Variants in BMPR1B observed in about 807,000 individuals in gnomAD.
The protein encoded by BMPR1B is bone morphogenetic protein receptor type-1B.
BMPR1B carries 12 observed loss-of-function variants against 59.1 expected under a neutral mutation model. The ratio of observed to expected loss-of-function variants is 0.20; its 90% CI spans 0.13 to 0.33. The LOEUF is 0.33. BMPR1B is among the 10% of genes least tolerant of loss of function. BMPR1B has a pLI of 1.00. For synonymous variants in BMPR1B, 237 were observed against 207.3 expected (o/e 1.14, Z -1.23); for missense variants, 550 against 610.9 (o/e 0.90, Z 1.05).
At chr4:94,970,506 G>T (rs1422831740) in intron 2 of BMPR1B, among the ~76,000 whole-genome samples, 1 of 152,058 alleles carries the variant, frequency 6.6e-6, no homozygotes, top group Non-Finnish European at 1.5e-5. Context: ...TAGAGACAGG[G>T]TTTCGCCCTG....
intron 2 of BMPR1B, among the ~76,000 whole-genome samples, chr4:94,891,291 C>A (rs1727383854): frequency 6.6e-6 from 1 of 152,032 alleles, no homozygotes; most frequent in African/African-American, 2.4e-5. Flanking sequence ...ACAATCACAT[C>A]CTCTTTTGAA....
chr4:95,009,455 T>A (rs900314951), intron 3 of BMPR1B, among the ~76,000 whole-genome samples: 1 of 151,988 alleles, frequency 6.6e-6, no homozygotes, highest in Non-Finnish European at 1.5e-5. Flanking sequence ...AAATGAATGC[T>A]CCCCAGCTAC....
chr4:94,782,471 A>AT (rs1172065646), intron 1 of BMPR1B, among the ~76,000 whole-genome samples: 1 of 151,680 alleles, frequency 6.6e-6, no homozygotes, highest in African/African-American at 2.4e-5. Context: ...TACCTGGCTA[A>AT]TTTTTGTATT....
At chr4:94,803,034 C>T (rs1043166340) in intron 1 of BMPR1B, among the ~76,000 whole-genome samples, 3 of 152,024 alleles carry the variant, frequency 2.0e-5, no homozygotes, top group East Asian at 1.9e-4. Flanking sequence ...TGCTGAATGC[C>T]GTATTGACCT....
intron 3 of BMPR1B, among the ~76,000 whole-genome samples, chr4:95,099,673 T>C (rs912666499): frequency 6.6e-6 from 1 of 152,234 alleles, no homozygotes. Flanking sequence ...ATTTATTTAT[T>C]ATTTTTTAAC....
chr4:94,934,458 T>TTTTTG (rs1327821861), intron 2 of BMPR1B, among the ~76,000 whole-genome samples: 1 of 148,990 alleles, frequency 6.7e-6, no homozygotes, highest in African/African-American at 2.5e-5. Context: ...CTATGGTTTT[T>TTTTTG]TTTTTTTTTT....
chr4:95,152,820 C>G, intron 12 of BMPR1B, 47 bp downstream of exon 12: 1 of 1,598,920 alleles, frequency 6.3e-7, no homozygotes, highest in Non-Finnish European at 8.5e-7. Context: ...TCTAAATAGA[C>G]TTTTCTTTTT....
At chr4:94,851,796 C>T (rs1279049589) in intron 1 of BMPR1B, among the ~76,000 whole-genome samples, 2 of 152,066 alleles carry the variant, frequency 1.3e-5, no homozygotes, top group Non-Finnish European at 2.9e-5. Context: ...ATAGTAAACA[C>T]TATGCAAATA....
intron 10 of BMPR1B, among the ~76,000 whole-genome samples, chr4:95,132,227 T>C (rs181554346): frequency 3.9e-5 from 6 of 152,300 alleles, no homozygotes; most frequent in Admixed American, 3.9e-4. Flanking sequence ...ACCACTGGTG[T>C]AGAGAAATCA....
intron 3 of BMPR1B, among the ~76,000 whole-genome samples, chr4:95,096,849 T>A (rs1730438836): frequency 7.1e-6 from 1 of 141,416 alleles, no homozygotes; most frequent in African/African-American, 2.6e-5. Flanking sequence ...AATATATAGG[T>A]ATATAAATAT....
intron 10 of BMPR1B, among the ~76,000 whole-genome samples, chr4:95,143,591 A>G (rs184313167): frequency 6.6e-6 from 1 of 152,326 alleles, no homozygotes. Flanking sequence ...CCCTTTGATT[A>G]TCAATGTAGA....
chr4:94,891,048 A>G lies in BMPR1B; in HGVS notation c.-113+15148A>G, dbSNP rs73836180. ...GGAAAACAGTTTTTTAACCTTTTCT[A>G]TTGTTGCAATTTTGTTGTCTATATC... On this transcript the variant is annotated intron_variant, in intron 2 of 12. Transcript: ENST00000515059. Among the ~76,000 whole-genome samples the G allele has an allele frequency of 7.4e-3, 1,131 of 152,190 alleles. 18 individuals are homozygous for G. The highest frequency in any genetic ancestry group is 0.026 in the African/African-American group (1,064 of 41,548).
At chr4:95,098,743 G>A (rs1007589535) in intron 3 of BMPR1B, among the ~76,000 whole-genome samples, 1 of 151,940 alleles carries the variant, frequency 6.6e-6, no homozygotes, top group Non-Finnish European at 1.5e-5. Context: ...TTGAGACAGA[G>A]TCTCATTCTG....
intron 3 of BMPR1B, among the ~76,000 whole-genome samples, chr4:95,023,006 A>G (rs13152791): frequency 0.27 from 40,676 of 152,106 alleles, 6,358 homozygotes; most frequent in South Asian, 0.42. Context: ...AACAGAGGGA[A>G]AACTTCAGAT....
At chr4:95,105,728 G>A (rs564379395) in intron 4 of BMPR1B, among the ~76,000 whole-genome samples, 3 of 151,902 alleles carry the variant, frequency 2.0e-5, no homozygotes, top group African/African-American at 7.3e-5. Flanking sequence ...CTTGACTCTT[G>A]TACTACAAAG....
chr4:95,133,155 T>C (rs1479794816), intron 10 of BMPR1B, among the ~76,000 whole-genome samples: 9 of 152,248 alleles, frequency 5.9e-5, no homozygotes, highest in Non-Finnish European at 8.8e-5. Context: ...TTCCCATTTG[T>C]ACTGGGCCAG....
At chr4:95,005,421 T>C (rs1722750610) in intron 3 of BMPR1B, among the ~76,000 whole-genome samples, 1 of 152,010 alleles carries the variant, frequency 6.6e-6, no homozygotes, top group Admixed American at 6.6e-5. Context: ...AATTGTACAT[T>C]GGCGTCCTGT....
At chr4:95,082,584 A>G (rs1482772354) in intron 3 of BMPR1B, among the ~76,000 whole-genome samples, 2 of 152,168 alleles carry the variant, frequency 1.3e-5, no homozygotes, top group African/African-American at 4.8e-5. Flanking sequence ...AAGTGTAAGT[A>G]TTGTTGCTGT....
chr4:95,070,455 T>G (rs1728194925), intron 3 of BMPR1B, among the ~76,000 whole-genome samples: 1 of 152,120 alleles, frequency 6.6e-6, no homozygotes, highest in Non-Finnish European at 1.5e-5. Flanking sequence ...GAGCAGATTT[T>G]GGAAAGAAAG....
Sources: gnomAD v4.1 joint callset for allele counts (sites outside exome capture counted in the v4.1 genomes callset) on GRCh38, gnomAD v4.1.1 for gene constraint, MANE v1.5 for transcripts, NCBI Gene and HGNC (gene_info 2026-07-23, HGNC 2026-07-21) for gene names.